The following WWOX variants were observed in gnomAD, a reference collection of about 807,000 sequenced individuals.
The protein encoded by WWOX is WW domain containing oxidoreductase, also known as WW domain-containing oxidoreductase.
A neutral mutation model predicts 46.2 loss-of-function variants in WWOX; 69 were observed. That is an observed-to-expected ratio of 1.49 (90% CI 1.23 to 1.82). The LOEUF is 1.82. Ranked by LOEUF, WWOX falls within the 40% of genes most tolerant of loss-of-function variation. The pLI is 0.00. For missense variants in WWOX, 919 were observed against 542.6 expected (o/e 1.69, Z -6.89); for synonymous variants, 359 against 202.6 (o/e 1.77, Z -6.56).
intron 8 of WWOX, among the ~76,000 whole-genome samples, chr16:78,620,060 A>T (rs543604564): frequency 1.3e-5 from 2 of 152,332 alleles, no homozygotes; most frequent in East Asian, 3.9e-4. Context: ...CAAATGGAAG[A>T]TCATCTCTAA....
chr16:78,494,108 A>G (rs1242804172), intron 8 of WWOX, among the ~76,000 whole-genome samples: 2 of 152,188 alleles, frequency 1.3e-5, no homozygotes, highest in African/African-American at 4.8e-5. Context: ...AAGGGGAAGC[A>G]GGTAATGTCT....
chr16:78,969,325 A>G (rs939534480), intron 8 of WWOX, among the ~76,000 whole-genome samples: 2 of 150,870 alleles, frequency 1.3e-5, no homozygotes, highest in Non-Finnish European at 2.9e-5. Context: ...GCTGGAATAC[A>G]ATGGTGCTAT....
intron 8 of WWOX, among the ~76,000 whole-genome samples, chr16:79,161,019 A>C (rs1218587524): frequency 1.3e-5 from 2 of 152,158 alleles, no homozygotes; most frequent in Non-Finnish European, 2.9e-5. Context: ...TTATACTACA[A>C]TTTCCATTAC....
At chr16:78,897,235 G>C (rs1373158350) in intron 8 of WWOX, 12 of 43,188 alleles carry the variant, frequency 2.8e-4, no homozygotes, top group Non-Finnish European at 4.2e-4. Flanking sequence ...CAGTGAGACT[G>C]TCTTTAAAAA....
intron 8 of WWOX, among the ~76,000 whole-genome samples, chr16:78,732,214 G>T (rs2048986727): frequency 6.6e-6 from 1 of 152,020 alleles, no homozygotes; most frequent in Admixed American, 6.6e-5. Flanking sequence ...GTAGAATATG[G>T]TACAGGTGAC....
At chr16:78,198,148 C>G (rs1039675130) in intron 5 of WWOX, among the ~76,000 whole-genome samples, 2 of 152,032 alleles carry the variant, frequency 1.3e-5, no homozygotes, top group Non-Finnish European at 2.9e-5. Context: ...GAGTCTGGCT[C>G]CTGGGGCAGG....
intron 5 of WWOX, among the ~76,000 whole-genome samples, chr16:78,379,427 A>G (rs886776493): frequency 3.3e-5 from 5 of 152,158 alleles, no homozygotes; most frequent in Non-Finnish European, 7.4e-5. Flanking sequence ...CAACACAGCC[A>G]TCTAGTGTAC....
intron 8 of WWOX, among the ~76,000 whole-genome samples, chr16:78,996,930 C>G (rs1223892375): frequency 2.0e-5 from 3 of 152,232 alleles, no homozygotes; most frequent in African/African-American, 7.2e-5. Context: ...TGTTTTCAAA[C>G]ACAAGCATCC....
At chr16:78,104,321 C>T (rs1046878692) in intron 1 of WWOX, among the ~76,000 whole-genome samples, 2 of 150,140 alleles carry the variant, frequency 1.3e-5, no homozygotes, top group East Asian at 2.0e-4. Flanking sequence ...TTACACTGTG[C>T]TCAAAAAACA....
chr16:78,946,648 T>C (rs978619377), intron 8 of WWOX, among the ~76,000 whole-genome samples: 1 of 152,054 alleles, frequency 6.6e-6, no homozygotes, highest in African/African-American at 2.4e-5. Context: ...AGAGATGCAG[T>C]GATGGCATGT....
intron 5 of WWOX, among the ~76,000 whole-genome samples, chr16:78,314,225 T>G (rs2080307467): frequency 6.6e-6 from 1 of 151,648 alleles, no homozygotes; most frequent in Non-Finnish European, 1.5e-5. Context: ...GCTAACACAG[T>G]GAAACCCCGT....
chr16:78,970,121 G>T (rs1006771804), intron 8 of WWOX, among the ~76,000 whole-genome samples: 2 of 152,184 alleles, frequency 1.3e-5, no homozygotes, highest in African/African-American at 4.8e-5. Context: ...CAGGAACCCA[G>T]ATGTGGCCTG....
At chr16:78,618,130 G>C (rs984245351) in intron 8 of WWOX, among the ~76,000 whole-genome samples, 2 of 152,166 alleles carry the variant, frequency 1.3e-5, no homozygotes, top group East Asian at 3.9e-4. Context: ...AAGGCTTGGA[G>C]GCAGGAAATC....
chr16:78,889,397 A>G (rs2151225616), intron 8 of WWOX, among the ~76,000 whole-genome samples: 1 of 125,966 alleles, frequency 7.9e-6, no homozygotes, highest in African/African-American at 3.1e-5. Flanking sequence ...AAACCCTGCA[A>G]ACTGGGTCCC....
In WWOX at chr16:78,922,084, C is replaced by G. The variant is rs143286644; in HGVS notation, c.1057-289524C>G. On this transcript the variant is annotated intron_variant, in intron 8 of 8. Transcript: ENST00000566780. ...CATGGAATATTGTCAGACAGAGAAA[C>G]TCACCTGAGCCTCTGTGTTCAGAGT... 3.5e-4 allele frequency among the ~76,000 whole-genome samples: 54 copies of G among 152,294 alleles called. 1 individual carries two copies. Among genetic ancestry groups the G allele is most frequent in the African/African-American group, 1.2e-3 (51 of 41,560 alleles).
At chr16:78,336,705 A>AT (rs1192851683) in intron 5 of WWOX, among the ~76,000 whole-genome samples, 14 of 152,106 alleles carry the variant, frequency 9.2e-5, no homozygotes, top group African/African-American at 3.1e-4. Flanking sequence ...ATCTTTTCTA[A>AT]TTTTTTTAAA....
At chr16:78,709,990 C>G (rs535906611) in intron 8 of WWOX, among the ~76,000 whole-genome samples, 1 of 152,140 alleles carries the variant, frequency 6.6e-6, no homozygotes, top group South Asian at 2.1e-4. Flanking sequence ...CTTGTCCTCC[C>G]AAAGTGTTGG....
intron 8 of WWOX, among the ~76,000 whole-genome samples, chr16:79,114,559 C>G (rs984684920): frequency 6.6e-6 from 1 of 151,850 alleles, no homozygotes. Context: ...CTGGAAGTGG[C>G]AAGGATATGT....
At chr16:79,009,380 G>A (rs1055360682) in intron 8 of WWOX, among the ~76,000 whole-genome samples, 5 of 152,176 alleles carry the variant, frequency 3.3e-5, no homozygotes, top group Admixed American at 2.0e-4. Flanking sequence ...AGCTCTAACT[G>A]GGGGCAAGGA....
Sources: allele counts gnomAD v4.1 joint callset (sites outside exome capture counted in the v4.1 genomes callset), GRCh38; gene constraint gnomAD v4.1.1; transcripts MANE v1.5; gene names NCBI Gene and HGNC (gene_info 2026-07-23, HGNC 2026-07-21).